MAPK14: variants seen among roughly 807,000 people sequenced by gnomAD.
MAPK14 encodes mitogen-activated protein kinase 14, also known as CSAID-binding protein.
In MAPK14, 16 loss-of-function variants were observed where a neutral mutation model predicts 49.6. The observed-to-expected ratio is 0.32, with a 90% confidence interval of 0.22 to 0.49. MAPK14 has a LOEUF of 0.49. MAPK14 is among the 20% of genes least tolerant of loss of function. The probability of loss-of-function intolerance (pLI) is 0.99; values close to 1 mark genes in which losing one functional copy is unlikely to be tolerated. For missense variants in MAPK14, 200 were observed against 441.2 expected, an observed-to-expected ratio of 0.45 and a Z score of 4.90; for synonymous variants, 142 against 158.0, an observed-to-expected ratio of 0.90 and a Z score of 0.76.
chr6:36,038,524 G>A (rs1275512467), intron 1 of MAPK14, among the ~76,000 whole-genome samples: 4 of 152,176 alleles, frequency 2.6e-5, no homozygotes, highest in Non-Finnish European at 5.9e-5. Flanking sequence ...CCTAAATCTT[G>A]TTTTAACAGA....
intron 1 of MAPK14, among the ~76,000 whole-genome samples, chr6:36,029,368 A>C (rs1053171183): frequency 6.6e-6 from 1 of 152,232 alleles, no homozygotes; most frequent in African/African-American, 2.4e-5. Context: ...AATTAAGTCG[A>C]TAGCATATAA....
intron 1 of MAPK14, among the ~76,000 whole-genome samples, chr6:36,043,300 A>C (rs1294169587): frequency 1.3e-5 from 2 of 152,204 alleles, no homozygotes; most frequent in African/African-American, 4.8e-5. Context: ...TTTAAAGTCA[A>C]TCTTAAATCT....
chr6:36,028,538 C>T lies in MAPK14; in HGVS notation c.116+265C>T, dbSNP rs1202704299. Among the ~76,000 whole-genome samples, 2 of 152,244 alleles carry T rather than the reference C, an allele frequency of 1.3e-5. No individual in the cohort carries two copies. Among genetic ancestry groups the T allele is most frequent in the African/African-American group, 4.8e-5 (2 of 41,478 alleles). The stretch of plus-strand genomic sequence containing the variant: ...CTGGAGCTCGGTTCTGGCTAGCACC[C>T]TGCGCCTTCCCCTCTCGGAGGGTTG... On this transcript the variant is annotated intron_variant, in intron 1 of 11. Transcript: ENST00000229794. This position sits in a 1 kb window ranked among gnomAD's most constrained non-coding sequence, Gnocchi z 5.1.
At chr6:36,087,403 CT>C (rs1765029394) in intron 8 of MAPK14, among the ~76,000 whole-genome samples, 1 of 152,188 alleles carries the variant, frequency 6.6e-6, no homozygotes, top group Non-Finnish European at 1.5e-5. Flanking sequence ...AGCCCAAAAG[CT>C]TCTTAAGCTG....
chr6:36,093,956 A>G (rs1234988935), intron 8 of MAPK14, among the ~76,000 whole-genome samples: 1 of 152,182 alleles, frequency 6.6e-6, no homozygotes, highest in East Asian at 1.9e-4. Context: ...TAATGTGAGG[A>G]AACTAAATTT....
intron 8 of MAPK14, among the ~76,000 whole-genome samples, chr6:36,090,954 A>G (rs1191634556): frequency 6.6e-6 from 1 of 152,204 alleles, no homozygotes; most frequent in African/African-American, 2.4e-5. Context: ...GAAAATGACT[A>G]TTTTGACAAC....
chr6:36,050,940 AAAGTTT>A (rs1413962481), intron 1 of MAPK14, among the ~76,000 whole-genome samples: 4 of 152,088 alleles, frequency 2.6e-5, no homozygotes, highest in Non-Finnish European at 4.4e-5. Flanking sequence ...GTATGCCATA[AAAGTTT>A]GGGAGTGAAA....
At chr6:36,049,294 C>G (rs1326581417) in intron 1 of MAPK14, among the ~76,000 whole-genome samples, 6 of 152,166 alleles carry the variant, frequency 3.9e-5, no homozygotes, top group Admixed American at 2.0e-4. Flanking sequence ...TTTTAGGGCC[C>G]AAGATCTCCT....
At chr6:36,102,450 G>T (rs16884857) in intron 9 of MAPK14, 121 bp from the exon 10 acceptor site, 84,951 of 731,170 alleles carry the variant, frequency 0.12, 6,466 homozygotes, top group African/African-American at 0.32. Flanking sequence ...AAGACAGTTA[G>T]AAACACTGAA....
rs141823303 is a variant in MAPK14 at position 36,030,867 on chromosome 6, C to T, written c.116+2594C>T. 2.7e-3 allele frequency among the ~76,000 whole-genome samples: 408 copies of T among 152,036 alleles called. 1 individual carries two copies. Among genetic ancestry groups the T allele is most frequent in the Non-Finnish European group, 4.5e-3 (305 of 67,996 alleles). On this transcript the variant is annotated intron_variant, in intron 1 of 11. Coordinates refer to ENST00000229794, the MANE Select transcript of MAPK14 (RefSeq NM_139012.3). ...CTAAAGGGATTTAAGATGTAACCTA[C>T]AGCATATTGGTGAAAGAAAATACAA...
At chr6:36,067,153 A>C (rs1440707351) in intron 3 of MAPK14, among the ~76,000 whole-genome samples, 1 of 152,124 alleles carries the variant, frequency 6.6e-6, no homozygotes, top group Non-Finnish European at 1.5e-5. Context: ...TCTTAAGAAA[A>C]TATCATTCAG....
intron 10 of MAPK14, among the ~76,000 whole-genome samples, chr6:36,104,229 AC>A (rs1765731089): frequency 6.6e-6 from 1 of 152,128 alleles, no homozygotes; most frequent in Non-Finnish European, 1.5e-5. Flanking sequence ...AGGGGTGGGT[AC>A]GATTCTACTG....
At chr6:36,089,246 C>T (rs139687058) in intron 8 of MAPK14, among the ~76,000 whole-genome samples, 103 of 152,244 alleles carry the variant, frequency 6.8e-4, no homozygotes, top group Admixed American at 1.6e-3. Context: ...AGATTGTGCC[C>T]TTTGCGGGGA....
intron 3 of MAPK14, 29 bp from the exon 4 acceptor site, chr6:36,072,844 T>C (rs1300331494): frequency 1.7e-6 from 2 of 1,206,394 alleles, no homozygotes; most frequent in Non-Finnish European, 2.4e-6. Flanking sequence ...GGGTTCTAGA[T>C]TGTTATGTAA....
intron 6 of MAPK14, 156 bp from the exon 7 acceptor site, chr6:36,075,692 T>G: frequency 1.0e-6 from 1 of 969,664 alleles, no homozygotes; most frequent in Non-Finnish European, 1.6e-6. Flanking sequence ...TTACCATACA[T>G]TCTAAGTATG....
In MAPK14 at chr6:36,108,979, A is replaced by C. The variant is rs981200332; in HGVS notation, c.*532A>C. 3 of 156,844 alleles carry C rather than the reference A, an allele frequency of 1.9e-5. No individual in the cohort carries two copies. Among genetic ancestry groups the C allele is most frequent in the African/African-American group, 7.2e-5 (3 of 41,484 alleles). 9.7% of individuals were successfully genotyped at this position (156,844 alleles called of 1,614,324 possible). A position where few individuals can be genotyped will look rare whatever the true frequency, so the allele number is the denominator to read the frequency against. Reference sequence around the variant, plus strand: ...AAAAAGGACCAACTGGCTTCTGTGCACTAGCCTGTGATTAACTTGCTTAGT... The same window carrying C: ...AAAAAGGACCAACTGGCTTCTGTGCCCTAGCCTGTGATTAACTTGCTTAGT... On this transcript the variant is annotated 3_prime_UTR_variant, in exon 12 of 12. Coordinates refer to ENST00000229794, the MANE Select transcript of MAPK14 (RefSeq NM_139012.3).
At chr6:36,089,973 A>G (rs1340710944) in intron 8 of MAPK14, among the ~76,000 whole-genome samples, 1 of 152,220 alleles carries the variant, frequency 6.6e-6, no homozygotes, top group Non-Finnish European at 1.5e-5. Flanking sequence ...CCTTTTCTCC[A>G]TAATCAAGTG....
chr6:36,070,345 C>G (rs139198041), intron 3 of MAPK14, among the ~76,000 whole-genome samples: 43 of 152,306 alleles, frequency 2.8e-4, no homozygotes, highest in Non-Finnish European at 5.0e-4. Flanking sequence ...GACATTACTA[C>G]TCTTTTTGAC....
At chr6:36,050,803 A>G (rs1763365724) in intron 1 of MAPK14, among the ~76,000 whole-genome samples, 1 of 152,178 alleles carries the variant, frequency 6.6e-6, no homozygotes, top group South Asian at 2.1e-4. Flanking sequence ...AATGCTTTCT[A>G]ATGGCAGGGC....
Sources: gnomAD v4.1 joint callset for allele counts (sites outside exome capture counted in the v4.1 genomes callset) on GRCh38, gnomAD v4.1.1 for gene constraint, Gnocchi (gnomAD v3.1) non-coding constraint, MANE v1.5 for transcripts, NCBI Gene and HGNC (gene_info 2026-07-23, HGNC 2026-07-21) for gene names.